PRKAG2: variants seen among roughly 807,000 people sequenced by gnomAD.
The protein encoded by PRKAG2 is protein kinase AMP-activated non-catalytic subunit gamma 2, also known as 5'-AMP-activated protein kinase subunit gamma-2.
Under a neutral mutation model 69.6 loss-of-function variants are expected in PRKAG2, and 26 were observed. The observed-to-expected ratio is 0.37, with a 90% CI of 0.27 to 0.52. The LOEUF (loss-of-function observed/expected upper bound fraction) is 0.52, where lower values mean the gene tolerates loss of function less well. PRKAG2 is among the 20% of genes least tolerant of loss of function. PRKAG2 has a pLI of 0.90. For synonymous variants in PRKAG2, 293 were observed against 285.0 expected (o/e 1.03, Z -0.28); for missense variants, 557 against 740.0 (o/e 0.75, Z 2.87).
At chr7:151,629,323 C>T (rs2151311201) in intron 5 of PRKAG2, among the ~76,000 whole-genome samples, 1 of 152,282 alleles carries the variant, frequency 6.6e-6, no homozygotes, top group Middle Eastern at 3.4e-3. Context: ...GCAAGTCCCA[C>T]CCCAGACCTA....
intron 4 of PRKAG2, among the ~76,000 whole-genome samples, chr7:151,659,311 T>C (rs1829958368): frequency 6.6e-6 from 1 of 152,194 alleles, no homozygotes; most frequent in Non-Finnish European, 1.5e-5. Flanking sequence ...TGCTTCTGTT[T>C]CTCAGAAAAA....
intron 2 of PRKAG2, among the ~76,000 whole-genome samples, chr7:151,782,115 T>TA (rs1408513293): frequency 2.0e-5 from 3 of 149,920 alleles, no homozygotes; most frequent in East Asian, 1.9e-4. Flanking sequence ...CTACTAAAAA[T>TA]AAAAAAATAA....
At chr7:151,712,512 A>G (rs1231939293) in intron 3 of PRKAG2, among the ~76,000 whole-genome samples, 3 of 152,174 alleles carry the variant, frequency 2.0e-5, no homozygotes, top group Non-Finnish European at 4.4e-5. Context: ...CCACTGATGT[A>G]ACAAAACAAA....
At chr7:151,831,786 A>T (rs7783677) in intron 1 of PRKAG2, among the ~76,000 whole-genome samples, 1 of 151,898 alleles carries the variant, frequency 6.6e-6, no homozygotes, top group African/African-American at 2.4e-5. Flanking sequence ...CCCAGGCAGG[A>T]GCTGTGTCCC....
intron 6 of PRKAG2, among the ~76,000 whole-genome samples, chr7:151,577,992 G>GTTTT (rs368297039): frequency 5.6e-4 from 80 of 142,166 alleles, no homozygotes; most frequent in African/African-American, 1.9e-3. Flanking sequence ...GTATGGTTAT[G>GTTTT]TTTTTTTTTT....
At chr7:151,806,784 G>A (rs779246215) in intron 1 of PRKAG2, 1 of 346,930 alleles carries the variant, frequency 2.9e-6, no homozygotes, top group Non-Finnish European at 5.6e-6. Flanking sequence ...TGGGCAACAT[G>A]GCAAAACCCT....
intron 3 of PRKAG2, among the ~76,000 whole-genome samples, chr7:151,687,637 G>A (rs1834927082): frequency 1.3e-5 from 2 of 152,136 alleles, no homozygotes; most frequent in Admixed American, 6.5e-5. Context: ...CCTCATTTTC[G>A]GTGGAGGAAG....
At chr7:151,624,650 G>A (rs1333915499) in intron 5 of PRKAG2, among the ~76,000 whole-genome samples, 2 of 152,148 alleles carry the variant, frequency 1.3e-5, no homozygotes, top group Admixed American at 1.3e-4. Flanking sequence ...AGATTCCGCA[G>A]GCGAGCCATC....
At chr7:151,711,840 AT>A (rs1294671971) in intron 3 of PRKAG2, among the ~76,000 whole-genome samples, 2 of 152,226 alleles carry the variant, frequency 1.3e-5, no homozygotes, top group Non-Finnish European at 2.9e-5. Context: ...AAGTTCTACA[AT>A]TTAGAAATCT....
At chr7:151,872,167 C>T (rs900108331) in intron 1 of PRKAG2, among the ~76,000 whole-genome samples, 6 of 152,226 alleles carry the variant, frequency 3.9e-5, no homozygotes, top group Non-Finnish European at 7.3e-5. Flanking sequence ...AATACCTCCA[C>T]ATCAGTTCCT....
rs544902498 is a variant in PRKAG2 at position 151,564,276 on chromosome 7, A to G, written c.1438-52T>C. On this transcript the variant is annotated intron_variant, in intron 13 of 15. Transcript: ENST00000287878. ...TATCCTTTCATTTCAGTTCACTTCA[A>G]TGACCAAAATTAGTGAGCTTAAGAG... The G allele has an allele frequency of 9.7e-5, 155 of 1,597,910 alleles. 2 individuals are homozygous for G. The South Asian group carries it at 1.2e-3, about 12-fold the overall frequency.
chr7:151,747,183 T>A, intron 3 of PRKAG2, among the ~76,000 whole-genome samples: 1 of 152,118 alleles, frequency 6.6e-6, no homozygotes, highest in Non-Finnish European at 1.5e-5. Flanking sequence ...ACTCAGTGGC[T>A]GCTGCTGGAT....
chr7:151,637,290 C>T (rs1014173134), intron 4 of PRKAG2, among the ~76,000 whole-genome samples: 6 of 152,126 alleles, frequency 3.9e-5, no homozygotes, highest in African/African-American at 1.4e-4. Flanking sequence ...AAGTATCTCT[C>T]GTTCTAAGTC....
chr7:151,855,093 ATCC>A (rs2079691618), intron 1 of PRKAG2, among the ~76,000 whole-genome samples: 2 of 32,648 alleles, frequency 6.1e-5, no homozygotes, highest in African/African-American at 2.0e-4. Context: ...CACACACACC[ATCC>A]TCCACACACA....
chr7:151,666,607 T>C (rs1401149337), intron 4 of PRKAG2, among the ~76,000 whole-genome samples: 1 of 152,238 alleles, frequency 6.6e-6, no homozygotes, highest in African/African-American at 2.4e-5. Context: ...GGTCTCTCAG[T>C]TGGGTATAGC....
intron 3 of PRKAG2, among the ~76,000 whole-genome samples, chr7:151,723,748 G>T (rs1365118685): frequency 6.6e-6 from 1 of 152,196 alleles, no homozygotes. Context: ...AAAGGTGTGT[G>T]AGTGGCAGGT....
intron 3 of PRKAG2, among the ~76,000 whole-genome samples, chr7:151,712,364 C>T (rs115185349): frequency 0.042 from 6,354 of 152,262 alleles, 446 homozygotes; most frequent in African/African-American, 0.14. Flanking sequence ...GTGGCCACCG[C>T]AGGAGACTGG....
chr7:151,696,029 GT>G (rs1836574012), intron 3 of PRKAG2, among the ~76,000 whole-genome samples: 1 of 152,160 alleles, frequency 6.6e-6, no homozygotes, highest in African/African-American at 2.4e-5. Context: ...CCGGCATAAG[GT>G]TTGATGTTGC....
At chr7:151,688,654 T>C (rs1835147128) in intron 3 of PRKAG2, among the ~76,000 whole-genome samples, 1 of 152,184 alleles carries the variant, frequency 6.6e-6, no homozygotes, top group South Asian at 2.1e-4. Context: ...CCAGTCCCTC[T>C]TGAAATTCCT....
Sources: gnomAD v4.1 joint callset for allele counts (sites outside exome capture counted in the v4.1 genomes callset) on GRCh38, gnomAD v4.1.1 for gene constraint, MANE v1.5 for transcripts, NCBI Gene and HGNC (gene_info 2026-07-23, HGNC 2026-07-21) for gene names.